The following TCF4 variants were observed in gnomAD, a reference collection of about 807,000 sequenced individuals.
The protein encoded by TCF4 is transcription factor 4.
A neutral mutation model predicts 82.1 loss-of-function variants in TCF4; 3 were observed. The observed-to-expected ratio is 0.04, with a 90% CI of 0.02 to 0.09. The LOEUF (loss-of-function observed/expected upper bound fraction) is 0.09, where lower values mean the gene tolerates loss of function less well. TCF4 is among the 10% of genes least tolerant of loss of function. TCF4 has a pLI of 1.00. For synonymous variants in TCF4, 276 were observed against 309.6 expected, an observed-to-expected ratio of 0.89 and a Z score of 1.14; for missense variants, 518 against 852.7, an observed-to-expected ratio of 0.61 and a Z score of 4.89.
intron 2 of TCF4, among the ~76,000 whole-genome samples, chr18:55,622,319 C>T (rs1425343994): frequency 2.0e-5 from 3 of 150,512 alleles, no homozygotes; most frequent in Non-Finnish European, 4.4e-5. Flanking sequence ...CCATCCTGCC[C>T]AACAGGGTGA....
At chr18:55,283,690 G>A (rs2063086187) in intron 8 of TCF4, among the ~76,000 whole-genome samples, 1 of 152,184 alleles carries the variant, frequency 6.6e-6, no homozygotes, top group Non-Finnish European at 1.5e-5. Flanking sequence ...TCTTGGACCA[G>A]TTACTTTTAA....
chr18:55,272,082 C>T (rs1246185491), intron 10 of TCF4, among the ~76,000 whole-genome samples: 2 of 151,884 alleles, frequency 1.3e-5, no homozygotes, highest in African/African-American at 4.8e-5. Context: ...ATCTTTGGGC[C>T]CTTTTAACTT....
At chr18:55,582,261 G>A (rs2097582646) in intron 3 of TCF4, among the ~76,000 whole-genome samples, 2 of 152,030 alleles carry the variant, frequency 1.3e-5, no homozygotes, top group South Asian at 2.1e-4. Context: ...ATCCAGGCAT[G>A]TGGATGCTTT....
intron 2 of TCF4, among the ~76,000 whole-genome samples, chr18:55,621,351 TAAA>T (rs1297378153): frequency 7.1e-6 from 1 of 140,908 alleles, no homozygotes; most frequent in Non-Finnish European, 1.5e-5. Flanking sequence ...TTTTAAGTAA[TAAA>T]AAAGATACTT....
intron 5 of TCF4, among the ~76,000 whole-genome samples, chr18:55,455,068 T>C (rs1276794485): frequency 6.7e-6 from 1 of 149,480 alleles, no homozygotes; most frequent in Non-Finnish European, 1.5e-5. Context: ...ACACCTGTCG[T>C]CCCAGCTGCT....
chr18:55,254,452 T>A (rs982088628), intron 15 of TCF4, 45 bp downstream of exon 15: 1 of 1,567,784 alleles, frequency 6.4e-7, no homozygotes, highest in Admixed American at 1.7e-5. Flanking sequence ...TCTGAAATTC[T>A]AACTCTATAT....
intron 3 of TCF4, among the ~76,000 whole-genome samples, chr18:55,485,759 T>C (rs1456784012): frequency 6.6e-6 from 1 of 152,232 alleles, no homozygotes; most frequent in Non-Finnish European, 1.5e-5. Context: ...TATTTAGCTA[T>C]ACGCATTTTT....
chr18:55,585,101 A>T (rs1385764278), intron 3 of TCF4, among the ~76,000 whole-genome samples, 179 bp downstream of exon 3: 1 of 152,238 alleles, frequency 6.6e-6, no homozygotes, highest in East Asian at 1.9e-4. Context: ...CCTAATTTTA[A>T]TCGCACAAGA....
chr18:55,379,663 C>G (rs971159404), intron 6 of TCF4, among the ~76,000 whole-genome samples: 1 of 152,130 alleles, frequency 6.6e-6, no homozygotes, highest in Non-Finnish European at 1.5e-5. Context: ...TTAATTTACT[C>G]GGCTTGATGA....
exon 1 of TCF4, chr18:55,635,901 G>A (rs1041639865): frequency 1.3e-6 from 2 of 1,571,082 alleles, no homozygotes; most frequent in Non-Finnish European, 1.7e-6. Context: ...AAAACATGGT[G>A]TTGTTCCTTT....
chr18:55,588,136 G>C lies in TCF4; in HGVS notation c.-119C>G, dbSNP rs1603624921. 1.9e-6 allele frequency: 2 copies of C among 1,062,582 alleles called. No homozygotes were observed. Among genetic ancestry groups the C allele is most frequent in the Non-Finnish European group, 2.3e-6 (2 of 885,906 alleles). 65.8% of individuals were successfully genotyped at this position (1,062,582 alleles called of 1,614,324 possible). A position where few individuals can be genotyped will look rare whatever the true frequency, so the allele number is the denominator to read the frequency against. ...ACCGCCGCCGCCTGCTCCTGCGCCCGCTCCCGCGCCTGCTGCCTCCCCGCC... is the reference window on the plus strand; with the variant it reads ...ACCGCCGCCGCCTGCTCCTGCGCCCCCTCCCGCGCCTGCTGCCTCCCCGCC... On this transcript the variant is annotated 5_prime_UTR_variant, in exon 1 of 20. Transcript: ENST00000354452.
chr18:55,463,347 A>T (rs1330240224), intron 4 of TCF4, among the ~76,000 whole-genome samples: 1 of 152,206 alleles, frequency 6.6e-6, no homozygotes, highest in Non-Finnish European at 1.5e-5. Flanking sequence ...GTGAAATGAC[A>T]TGCCCAAGAT....
At chr18:55,391,595 C>T (rs114275363) in intron 6 of TCF4, among the ~76,000 whole-genome samples, 3 of 151,878 alleles carry the variant, frequency 2.0e-5, no homozygotes, top group Non-Finnish European at 4.4e-5. Context: ...CCAAGTGGAA[C>T]CAAACGACCA....
chr18:55,604,057 A>G (rs2097699922), intron 2 of TCF4, among the ~76,000 whole-genome samples: 1 of 152,192 alleles, frequency 6.6e-6, no homozygotes, highest in Admixed American at 6.5e-5. Flanking sequence ...TCACTGGCAC[A>G]TAGAACAGTC....
At chr18:55,616,627 T>C (rs939490029) in intron 2 of TCF4, among the ~76,000 whole-genome samples, 5 of 152,110 alleles carry the variant, frequency 3.3e-5, no homozygotes, top group African/African-American at 1.2e-4. Flanking sequence ...CCAACATTTA[T>C]CTTTTCTTTT....
chr18:55,357,600 T>C (rs2083891825), intron 6 of TCF4, among the ~76,000 whole-genome samples: 1 of 152,206 alleles, frequency 6.6e-6, no homozygotes, highest in Admixed American at 6.5e-5. Context: ...AAAAATATAT[T>C]TGGCCAGGTT....
chr18:55,314,169 A>G (rs2073423993), intron 8 of TCF4, among the ~76,000 whole-genome samples: 13 of 152,192 alleles, frequency 8.5e-5, no homozygotes. Flanking sequence ...AAGGCACTAC[A>G]AAGTGAAACT....
At chr18:55,596,060 C>G (rs1040170084) in intron 2 of TCF4, 2 of 413,936 alleles carry the variant, frequency 4.8e-6, no homozygotes, top group Admixed American at 5.2e-5. Context: ...TGGTGAAACC[C>G]CGTCTCTACT....
chr18:55,454,853 CCAGAGGACCCA>C (rs2095704072), intron 5 of TCF4, among the ~76,000 whole-genome samples: 1 of 152,100 alleles, frequency 6.6e-6, no homozygotes, highest in African/African-American at 2.4e-5. Context: ...AACGACCTGA[CCAGAGGACCCA>C]CAGGCAGCTG....
Sources: allele counts gnomAD v4.1 joint callset (sites outside exome capture counted in the v4.1 genomes callset), GRCh38; gene constraint gnomAD v4.1.1; transcripts MANE v1.5; gene names NCBI Gene and HGNC (gene_info 2026-07-23, HGNC 2026-07-21).